The following ANKRD29 variants were observed in gnomAD, a reference collection of about 807,000 sequenced individuals.
ANKRD29 encodes ankyrin repeat domain-containing protein 29.
ANKRD29 carries 32 observed loss-of-function variants against 38.0 expected under a neutral mutation model. The ratio of observed to expected loss-of-function variants is 0.84; its 90% CI spans 0.64 to 1.13. ANKRD29 has a LOEUF of 1.13. Among genes scored for constraint, ANKRD29 ranks in the 50% most tolerant of loss-of-function variants. The probability of loss-of-function intolerance (pLI) is 0.00; values close to 1 mark genes in which losing one functional copy is unlikely to be tolerated. For synonymous variants in ANKRD29, 135 were observed against 152.4 expected (o/e 0.89, Z 0.84); for missense variants, 357 against 377.9 (o/e 0.94, Z 0.46).
chr18:23,611,956 A>G, intron 9 of ANKRD29, 136 bp downstream of exon 9: 1 of 695,378 alleles, frequency 1.4e-6, no homozygotes, highest in East Asian at 2.7e-5. Context: ...CTAATCACCT[A>G]CTAACAGCAA....
chr18:23,652,276 C>T (rs1256308330), intron 1 of ANKRD29, among the ~76,000 whole-genome samples: 1 of 152,186 alleles, frequency 6.6e-6, no homozygotes, highest in African/African-American at 2.4e-5. Flanking sequence ...CATCCTCATC[C>T]TTGCTCAGTG....
chr18:23,637,548 C>A (rs536533493), intron 4 of ANKRD29, among the ~76,000 whole-genome samples: 84 of 152,202 alleles, frequency 5.5e-4, no homozygotes, highest in African/African-American at 2.0e-3. Context: ...CAGGCATGTG[C>A]CACCATGCCC....
At position 23,662,785 on chromosome 18, in the gene ANKRD29, C is replaced by G; in HGVS notation, c.-55G>C. 7.1e-7 allele frequency: 1 copy of G among 1,409,630 alleles called. No homozygotes were observed. The highest frequency in any genetic ancestry group is 1.4e-5 in the South Asian group (1 of 69,540). 87.3% of individuals were successfully genotyped at this position (1,409,630 alleles called of 1,614,324 possible). ...CGCTTTGGGCCCGGGGCGCCTTGTC[C>G]TCCCCGGCCCTTCACTCTCCCGGGG... is the stretch of plus-strand genomic sequence containing the variant. On this transcript the variant is annotated 5_prime_UTR_variant, in exon 1 of 10. Transcript: ENST00000592179.
At chr18:23,628,937 T>A (rs2059895045) in intron 6 of ANKRD29, among the ~76,000 whole-genome samples, 1 of 152,356 alleles carries the variant, frequency 6.6e-6, no homozygotes, top group South Asian at 2.1e-4. Context: ...GTTTATAAAG[T>A]GCTGCCTGTA....
chr18:23,655,380 CA>C (rs1376505311), intron 1 of ANKRD29, among the ~76,000 whole-genome samples: 3 of 152,160 alleles, frequency 2.0e-5, no homozygotes, highest in African/African-American at 7.2e-5. Flanking sequence ...ATACCCACTC[CA>C]ACCTGGCTGG....
At chr18:23,631,967 G>A (rs1411104735) in intron 5 of ANKRD29, among the ~76,000 whole-genome samples, 1 of 152,164 alleles carries the variant, frequency 6.6e-6, no homozygotes, top group Non-Finnish European at 1.5e-5. Flanking sequence ...AGCAAACCCA[G>A]CTAATTACCA....
intron 1 of ANKRD29, among the ~76,000 whole-genome samples, chr18:23,659,754 A>G (rs2060332382): frequency 1.3e-5 from 2 of 151,372 alleles, no homozygotes; most frequent in Non-Finnish European, 2.9e-5. Context: ...AAAAGACAAA[A>G]AAAAAAACAA....
intron 8 of ANKRD29, among the ~76,000 whole-genome samples, chr18:23,616,848 T>C (rs896170748): frequency 5.3e-5 from 8 of 149,838 alleles, no homozygotes; most frequent in Non-Finnish European, 1.2e-4. Flanking sequence ...GAAATACTAA[T>C]ATTTATTAAG....
intron 1 of ANKRD29, among the ~76,000 whole-genome samples, chr18:23,655,804 A>T (rs986195969): frequency 1.2e-4 from 17 of 146,808 alleles, no homozygotes; most frequent in Non-Finnish European, 2.5e-4. Context: ...ACTTTAAAAG[A>T]TAATTCTGGC....
At position 23,634,676 on chromosome 18, in the gene ANKRD29, C is replaced by A. The variant is rs184302629; in HGVS notation, c.331-527G>T. On this transcript the variant is annotated intron_variant, in intron 4 of 9. Transcript: ENST00000592179. ...GACGTGATTATGTTGTATATGTGGG[C>A]GGCTTGCTAGAGATGTATTACAGTT... 2.0e-4 allele frequency among the ~76,000 whole-genome samples: 31 copies of A among 152,226 alleles called. 1 individual carries two copies. The highest frequency in any genetic ancestry group is 1.8e-3 in the Admixed American group (28 of 15,274).
At chr18:23,649,564 G>A (rs910626615) in intron 1 of ANKRD29, 31 of 490,384 alleles carry the variant, frequency 6.3e-5, no homozygotes, top group African/African-American at 6.0e-4. Flanking sequence ...TTTCCTCCCA[G>A]AAACACTCCA....
At chr18:23,641,037 C>T (rs2145711752) in intron 3 of ANKRD29, among the ~76,000 whole-genome samples, 1 of 152,148 alleles carries the variant, frequency 6.6e-6, no homozygotes, top group African/African-American at 2.4e-5. Context: ...AGGCAGGATC[C>T]ACCCACTTGT....
intron 3 of ANKRD29, 27 bp from the exon 4 acceptor site, chr18:23,638,974 A>C (rs780641010): frequency 2.7e-5 from 41 of 1,518,708 alleles, no homozygotes; most frequent in Non-Finnish European, 3.3e-5. Flanking sequence ...GGCTAGTTTT[A>C]AAAGACATTT....
rs537837129 is a variant in ANKRD29, at chr18:23,605,502, A to G, written c.823-4193T>C. On this transcript the variant is annotated intron_variant, in intron 9 of 9. Transcript: ENST00000592179. ...TAGGTGTTGGCCACTTTGCCCCGCC[A>G]TCACACAGAATTTTATTATTATTAT... Among the ~76,000 whole-genome samples, 14 of 151,816 alleles carry G rather than the reference A, an allele frequency of 9.2e-5. No homozygotes were observed. The East Asian group carries it at 2.7e-3, about 29-fold the overall frequency.
Position 23,629,856 on chromosome 18 carries a change from C to T in ANKRD29, c.525G>A (p.Arg175=), listed in dbSNP as rs761256579. 8.0e-5 allele frequency: 129 copies of T among 1,613,660 alleles called. No homozygotes were observed. Among genetic ancestry groups the T allele is most frequent in the African/African-American group, 4.4e-4 (33 of 74,936 alleles). ...LASGAKVNQP[R]QDGTAPLWIA... is the part of the protein sequence containing the mutation. Reference sequence around the variant, plus strand: ...AAATGTCAACAGTGGACATTACCTGCCTTGGCTGGTTGACTTTTGCTCCTG... The same window carrying T: ...AAATGTCAACAGTGGACATTACCTGTCTTGGCTGGTTGACTTTTGCTCCTG... Residue 175 remains arginine (R), a synonymous_variant, in exon 6 of 10, where the codon AGG becomes AGA. Coordinates refer to ENST00000592179, the MANE Select transcript of ANKRD29 (RefSeq NM_173505.4).
At chr18:23,620,099 A>G (rs2059778085) in intron 6 of ANKRD29, among the ~76,000 whole-genome samples, 1 of 152,054 alleles carries the variant, frequency 6.6e-6, no homozygotes, top group Non-Finnish European at 1.5e-5. Context: ...TCACACCTTA[A>G]TGTTCACAAA....
chr18:23,621,689 T>C (rs999880713), intron 6 of ANKRD29, among the ~76,000 whole-genome samples: 1 of 152,080 alleles, frequency 6.6e-6, no homozygotes. Flanking sequence ...ATAATGATAA[T>C]TATTATTTGA....
At position 23,644,180 on chromosome 18, in the gene ANKRD29, A is replaced by C. The variant is rs1285110056; in HGVS notation, c.231+2009T>G. 4.6e-5 allele frequency among the ~76,000 whole-genome samples: 7 copies of C among 152,248 alleles called. No homozygotes were observed. In the South Asian group the frequency reaches 1.4e-3, roughly 31 times the overall value. On this transcript the variant is annotated intron_variant, in intron 3 of 9. Coordinates refer to ENST00000592179, the MANE Select transcript of ANKRD29 (RefSeq NM_173505.4). ...TTGAGCAATTGGAACCAAATGGATA[A>C]ATATAAAACCATAGAAACCATAGAC...
rs200563159 is a variant in ANKRD29 at position 23,629,931 on chromosome 18, G to A, written c.450C>T (p.Phe150=). The change falls in exon 6 of 10, where the codon TTC becomes TTT. Residue 150 remains phenylalanine, a synonymous_variant. Coordinates refer to ENST00000592179, the MANE Select transcript of ANKRD29 (RefSeq NM_173505.4). ...CCAAGTAACCACCTTGGGCAGCTAGGAAGAGGGCAGTGGCTCCATCCTGAG... is the reference window on the plus strand; with the variant it reads ...CCAAGTAACCACCTTGGGCAGCTAGAAAGAGGGCAGTGGCTCCATCCTGAG... ...DQLYDGATAL[F]LAAQGGYLDV... 1.1e-3 allele frequency: 1,711 copies of A among 1,614,086 alleles called. 38 individuals are homozygous for A. In the South Asian group the frequency reaches 0.017, roughly 16 times the overall value.
Sources: gnomAD v4.1 joint callset for allele counts (sites outside exome capture counted in the v4.1 genomes callset) on GRCh38, gnomAD v4.1.1 for gene constraint, MANE v1.5 for transcripts, NCBI Gene and HGNC (gene_info 2026-07-23, HGNC 2026-07-21) for gene names.